Variants in ZDHHC14 observed in about 807,000 individuals in gnomAD.
ZDHHC14 encodes zDHHC palmitoyltransferase 14, also known as palmitoyltransferase ZDHHC14.
A neutral mutation model predicts 47.7 loss-of-function variants in ZDHHC14; 16 were observed. The observed-to-expected ratio is 0.34, with a 90% CI of 0.23 to 0.51. ZDHHC14 has a LOEUF of 0.51. Ranked by LOEUF, ZDHHC14 falls within the 20% of genes least tolerant of loss-of-function variation. The pLI is 0.97. For synonymous variants in ZDHHC14, 293 were observed against 278.9 expected (o/e 1.05, Z -0.50); for missense variants, 515 against 662.5 (o/e 0.78, Z 2.44).
At position 157,677,845 on chromosome 6, in the gene ZDHHC14, G is replaced by C. The variant is rs1778994361; in HGVS notation, c.*4723G>C. ...ATATGAATAGAGATGGTTTTAGCCTGCAATTAAAAAAAAAAAAAAAAACGG... is the reference window on the plus strand; with the variant it reads ...ATATGAATAGAGATGGTTTTAGCCTCCAATTAAAAAAAAAAAAAAAAACGG... On this transcript the variant is annotated 3_prime_UTR_variant, in exon 9 of 9. Coordinates refer to ENST00000359775, the MANE Select transcript of ZDHHC14 (RefSeq NM_024630.3). 7.3e-6 allele frequency: 1 copy of C among 137,430 alleles called. No individual in the cohort carries two copies. Among genetic ancestry groups the C allele is most frequent in the Non-Finnish European group, 1.5e-5 (1 of 65,902 alleles). 8.5% of individuals were successfully genotyped at this position (137,430 alleles called of 1,614,324 possible).
At chr6:157,478,957 G>C (rs181141012) in intron 1 of ZDHHC14, among the ~76,000 whole-genome samples, 29 of 152,312 alleles carry the variant, frequency 1.9e-4, no homozygotes, top group Admixed American at 1.6e-3. Flanking sequence ...CATGATCTGG[G>C]TTGGTTCCCA....
intron 2 of ZDHHC14, among the ~76,000 whole-genome samples, chr6:157,585,493 TG>T (rs1285816296): frequency 4.0e-5 from 6 of 151,282 alleles, no homozygotes; most frequent in Non-Finnish European, 1.5e-5. Context: ...TTGTGCCACA[TG>T]ACACAGGCCA....
At chr6:157,405,269 C>G (rs1245335734) in intron 1 of ZDHHC14, among the ~76,000 whole-genome samples, 1 of 152,088 alleles carries the variant, frequency 6.6e-6, no homozygotes, top group African/African-American at 2.4e-5. Context: ...GTCTCGCTGT[C>G]TCGCCCAGGC....
rs956029230 is a variant in ZDHHC14, at chr6:157,677,748, C to T, written c.*4626C>T. 1.3e-5 allele frequency: 2 copies of T among 151,504 alleles called. No individual in the cohort carries two copies. The highest frequency in any genetic ancestry group is 2.9e-5 in the Non-Finnish European group (2 of 67,996). 9.4% of individuals were successfully genotyped at this position (151,504 alleles called of 1,614,324 possible). A position where few individuals can be genotyped will look rare whatever the true frequency, so the allele number is the denominator to read the frequency against. ...AATGAACAACTCTCTTACTTGCCCT[C>T]GATGTTTCAAGATGCCTGGTGAAAC... On this transcript the variant is annotated 3_prime_UTR_variant, in exon 9 of 9. Coordinates refer to ENST00000359775, the MANE Select transcript of ZDHHC14 (RefSeq NM_024630.3).
chr6:157,610,567 C>G (rs532795494), intron 3 of ZDHHC14, among the ~76,000 whole-genome samples: 1 of 152,280 alleles, frequency 6.6e-6, no homozygotes, highest in South Asian at 2.1e-4. Context: ...CTGAGAGTCT[C>G]AACAGCCCCT....
chr6:157,536,555 C>A lies in ZDHHC14; in HGVS notation c.246-6030C>A, dbSNP rs182382430. 5.3e-3 allele frequency among the ~76,000 whole-genome samples: 801 copies of A among 152,260 alleles called. 3 individuals carry two copies. The highest frequency in any genetic ancestry group is 7.6e-3 in the Non-Finnish European group (519 of 68,030). On this transcript the variant is annotated intron_variant, in intron 1 of 8. Transcript: ENST00000359775. ...AGTTAATCTTCTCCCAAAGAATGTC[C>A]TCTGGAAAACAGAGTGACCTAATTA...
At chr6:157,567,665 A>C (rs1160317958) in intron 2 of ZDHHC14, among the ~76,000 whole-genome samples, 1 of 152,094 alleles carries the variant, frequency 6.6e-6, no homozygotes, top group East Asian at 1.9e-4. Context: ...AAAAATACAA[A>C]AATTAGCCAG....
intron 3 of ZDHHC14, among the ~76,000 whole-genome samples, chr6:157,613,524 G>C (rs1421460447): frequency 2.0e-5 from 3 of 152,186 alleles, no homozygotes; most frequent in African/African-American, 7.2e-5. Flanking sequence ...GTGTCAGCCT[G>C]CCTGGGGCTG....
chr6:157,418,006 C>A (rs1884576), intron 1 of ZDHHC14, among the ~76,000 whole-genome samples: 6 of 151,786 alleles, frequency 4.0e-5, no homozygotes, highest in African/African-American at 1.5e-4. Context: ...ACTGCAGGAC[C>A]TGTTGGTCCA....
chr6:157,596,518 C>T (rs1784136355), intron 3 of ZDHHC14, among the ~76,000 whole-genome samples: 2 of 152,068 alleles, frequency 1.3e-5, no homozygotes, highest in African/African-American at 4.8e-5. Flanking sequence ...GTCATAGGGG[C>T]CTTTTTAGTT....
intron 3 of ZDHHC14, among the ~76,000 whole-genome samples, chr6:157,604,286 TAAAA>T (rs201921035): frequency 0.067 from 9,417 of 140,482 alleles, 472 homozygotes; most frequent in African/African-American, 0.15. Flanking sequence ...AAGCCTGTCT[TAAAA>T]AAAAAAAAAA....
chr6:157,442,346 G>C (rs1778576868), intron 1 of ZDHHC14, among the ~76,000 whole-genome samples: 1 of 152,198 alleles, frequency 6.6e-6, no homozygotes, highest in South Asian at 2.1e-4. Context: ...TCACGCCATT[G>C]CACTTCAGCC....
chr6:157,549,093 G>C (rs62425039), intron 2 of ZDHHC14, among the ~76,000 whole-genome samples: 101,737 of 152,134 alleles, frequency 0.67, 34,870 homozygotes, highest in African/African-American at 0.83. Flanking sequence ...ATATCACAGC[G>C]TGTGCTCTTA....
In ZDHHC14 at chr6:157,593,905, A is replaced by ACACTTGGTGTT. The variant is rs1440798590; in HGVS notation, c.565+762_565+763insTTGGTGTTCAC. On this transcript the variant is annotated intron_variant, in intron 3 of 8. Transcript: ENST00000359775. ...ATGAGGTTGGCAAGGAGATGGCAGA[A>ACACTTGGTGTT]CACCCAAGTGACAGGAAGGGAAGCA... Among the ~76,000 whole-genome samples, 4 of 152,222 alleles carry ACACTTGGTGTT rather than the reference A, an allele frequency of 2.6e-5. No homozygotes were observed. The South Asian group carries it at 8.3e-4, about 32-fold the overall frequency.
chr6:157,624,053 A>G (rs1185889566), intron 3 of ZDHHC14, among the ~76,000 whole-genome samples: 1 of 152,222 alleles, frequency 6.6e-6, no homozygotes, highest in Non-Finnish European at 1.5e-5. Flanking sequence ...AAGTATAGAA[A>G]TAATACTCTA....
intron 1 of ZDHHC14, among the ~76,000 whole-genome samples, chr6:157,473,266 T>A (rs564880274): frequency 6.6e-6 from 1 of 152,368 alleles, no homozygotes; most frequent in Non-Finnish European, 1.5e-5. Flanking sequence ...GTTGAATCTG[T>A]TCCTCCTGTT....
chr6:157,395,804 A>AG (rs1175946272), intron 1 of ZDHHC14, among the ~76,000 whole-genome samples: 1 of 152,060 alleles, frequency 6.6e-6, no homozygotes, highest in East Asian at 1.9e-4. Context: ...AAAAAAAAAA[A>AG]AAAAATCCCA....
chr6:157,659,108 A>T, intron 8 of ZDHHC14, among the ~76,000 whole-genome samples: 1 of 152,074 alleles, frequency 6.6e-6, no homozygotes, highest in South Asian at 2.1e-4. Flanking sequence ...TCATCTGTCA[A>T]TATTGTTTTA....
At chr6:157,484,051 C>T (rs918182436) in intron 1 of ZDHHC14, among the ~76,000 whole-genome samples, 18 of 151,646 alleles carry the variant, frequency 1.2e-4, no homozygotes, top group South Asian at 2.1e-4. Context: ...AACAGAAAAC[C>T]GAATACCTCA....
Sources: gnomAD v4.1 joint callset for allele counts (sites outside exome capture counted in the v4.1 genomes callset) on GRCh38, gnomAD v4.1.1 for gene constraint, MANE v1.5 for transcripts, NCBI Gene and HGNC (gene_info 2026-07-23, HGNC 2026-07-21) for gene names.